Variants in TRIO observed in about 807,000 individuals in gnomAD.
TRIO encodes triple functional domain protein.
TRIO carries 58 observed loss-of-function variants against 351.9 expected under a neutral mutation model. That is an observed-to-expected ratio of 0.16 (90% CI 0.13 to 0.21). The LOEUF (loss-of-function observed/expected upper bound fraction) is 0.21, where lower values mean the gene tolerates loss of function less well. Ranked by LOEUF, TRIO falls within the 10% of genes least tolerant of loss-of-function variation. The probability of loss-of-function intolerance (pLI) is 1.00; values close to 1 mark genes in which losing one functional copy is unlikely to be tolerated. For synonymous variants in TRIO, 1,758 were observed against 1,595.7 expected, an observed-to-expected ratio of 1.10 and a Z score of -2.42; for missense variants, 3,201 against 4,027.8, an observed-to-expected ratio of 0.79 and a Z score of 5.56.
intron 1 of TRIO, among the ~76,000 whole-genome samples, chr5:14,232,311 C>G (rs1407742993): frequency 6.6e-6 from 1 of 151,954 alleles, no homozygotes; most frequent in Non-Finnish European, 1.5e-5. Flanking sequence ...CCATACCACT[C>G]CCCCCAACCC....
At chr5:14,284,656 G>T (rs1321132132) in intron 3 of TRIO, among the ~76,000 whole-genome samples, 1 of 152,136 alleles carries the variant, frequency 6.6e-6, no homozygotes, top group Non-Finnish European at 1.5e-5. Context: ...CAAGTAGAGG[G>T]GCTTTGTAGT....
intron 21 of TRIO, among the ~76,000 whole-genome samples, chr5:14,386,088 A>C (rs1406726640): frequency 6.6e-6 from 1 of 152,244 alleles, no homozygotes; most frequent in Non-Finnish European, 1.5e-5. Context: ...AAGGCCATAC[A>C]TGCTATGGGA....
chr5:14,481,405 C>G, intron 44 of TRIO, 121 bp downstream of exon 44: 1 of 1,473,066 alleles, frequency 6.8e-7, no homozygotes, highest in Non-Finnish European at 9.4e-7. Flanking sequence ...GACAGAGTCT[C>G]TCCAGTGCAT....
chr5:14,464,558 T>C (rs1754103417), intron 36 of TRIO, among the ~76,000 whole-genome samples: 2 of 152,318 alleles, frequency 1.3e-5, no homozygotes, highest in Middle Eastern at 3.4e-3. Flanking sequence ...TTCCTTACCT[T>C]TCCGTTTGAA....
intron 1 of TRIO, among the ~76,000 whole-genome samples, chr5:14,198,477 C>G (rs1439798166): frequency 1.3e-5 from 2 of 152,194 alleles, no homozygotes; most frequent in Admixed American, 6.5e-5. Flanking sequence ...TGTGTGTTAA[C>G]TTTCTCATTT....
At chr5:14,244,249 G>C (rs1794308971) in intron 1 of TRIO, among the ~76,000 whole-genome samples, 1 of 152,156 alleles carries the variant, frequency 6.6e-6, no homozygotes, top group African/African-American at 2.4e-5. Flanking sequence ...GAAGTTGCCA[G>C]TTTCGGGAAT....
At position 14,201,843 on chromosome 5, in the gene TRIO, G is replaced by T. The variant is rs578159282; in HGVS notation, c.157+57961G>T. On this transcript the variant is annotated intron_variant, in intron 1 of 56. Transcript: ENST00000344204. ...ATAGGTGGACCTGAATGGCAGTCATGTTTACTTGGCTTTGACAGTTTCAAG... is the reference window on the plus strand; with the variant it reads ...ATAGGTGGACCTGAATGGCAGTCATTTTTACTTGGCTTTGACAGTTTCAAG... Among the ~76,000 whole-genome samples the T allele has an allele frequency of 5.3e-5, 8 of 152,064 alleles. No homozygotes were observed. The East Asian group carries it at 1.2e-3, about 22-fold the overall frequency.
At chr5:14,282,628 C>T (rs961120741) in intron 3 of TRIO, among the ~76,000 whole-genome samples, 2 of 151,892 alleles carry the variant, frequency 1.3e-5, no homozygotes, top group Non-Finnish European at 2.9e-5. Flanking sequence ...AGAATAATAT[C>T]ATGAACACAC....
At chr5:14,416,367 G>T (rs1220026185) in intron 33 of TRIO, among the ~76,000 whole-genome samples, 1 of 151,518 alleles carries the variant, frequency 6.6e-6, no homozygotes, top group African/African-American at 2.4e-5. Context: ...ATTCAAATGT[G>T]AGCATTGAGG....
chr5:14,397,274 A>G, intron 29 of TRIO, 120 bp downstream of exon 29: 1 of 743,414 alleles, frequency 1.3e-6, no homozygotes, highest in Non-Finnish European at 2.2e-6. Flanking sequence ...GGTTAAGAAC[A>G]TTTCTTAAAG....
rs368872430 is a variant in TRIO at position 14,490,611 on chromosome 5, G to A, written c.7633-1956G>A. ...CCTGCCTTTCTTGCACAGGCCAGGT[G>A]GCCAGTGCCAGCTCACTGACCTTCC... is the stretch of plus-strand genomic sequence containing the variant. On this transcript the variant is annotated intron_variant, in intron 48 of 56. Transcript: ENST00000344204. Among the ~76,000 whole-genome samples the A allele has an allele frequency of 4.6e-5, 7 of 152,232 alleles. No homozygotes were observed. The East Asian group carries it at 1.3e-3, about 29-fold the overall frequency.
chr5:14,387,127 A>G (rs1043508134), intron 21 of TRIO, among the ~76,000 whole-genome samples: 4 of 152,262 alleles, frequency 2.6e-5, no homozygotes, highest in African/African-American at 9.6e-5. Context: ...CGTTCTTCGC[A>G]TACATTCCTC....
At position 14,388,665 on chromosome 5, in the gene TRIO, C is replaced by T. The variant is rs372065440; in HGVS notation, c.3934C>T (p.Arg1312Trp). The T allele has an allele frequency of 3.7e-6, 6 of 1,601,034 alleles. No homozygotes were observed. Among genetic ancestry groups the T allele is most frequent in the South Asian group, 2.2e-5 (2 of 90,588 alleles). Residue 1312 changes from arginine (R) to tryptophan (W), a missense_variant, in exon 24 of 57, where the codon CGG becomes TGG. Physicochemically the swap from Arg to Trp is moderately radical, Grantham distance 101. This residue lies in a region of TRIO where 115 missense variants were observed against 239.6 expected (regional missense o/e 0.48). Coordinates refer to ENST00000344204, the MANE Select transcript of TRIO (RefSeq NM_007118.4). ...QTEKAYVRDLRECMDTYLWEM... is the reference protein window; with the variant it reads ...QTEKAYVRDLWECMDTYLWEM... ...TGAAAAGGCTTATGTAAGAGACCTC[C>T]GGGAATGTATGGATGTAAGTAAGTT...
intron 9 of TRIO, among the ~76,000 whole-genome samples, chr5:14,317,396 AG>A (rs1216614149): frequency 6.6e-6 from 1 of 152,160 alleles, no homozygotes; most frequent in Non-Finnish European, 1.5e-5. Context: ...CCCCAAATAG[AG>A]GGAAAGACAA....
At chr5:14,284,300 G>A (rs1159171306) in intron 3 of TRIO, among the ~76,000 whole-genome samples, 1 of 152,168 alleles carries the variant, frequency 6.6e-6, no homozygotes, top group Non-Finnish European at 1.5e-5. Context: ...CTCTTAGGTG[G>A]TGGAAGGGCT....
chr5:14,487,531 C>T lies in TRIO; in HGVS notation c.6903C>T (p.Gly2301=), dbSNP rs1756030000. 2 of 1,052,046 alleles carry T rather than the reference C, an allele frequency of 1.9e-6. No individual in the cohort carries two copies. Among genetic ancestry groups the T allele is most frequent in the Non-Finnish European group, 2.3e-6 (2 of 864,068 alleles). 65.2% of individuals were successfully genotyped at this position (1,052,046 alleles called of 1,614,324 possible). ...SGGGGGGGSG[G]SGGGGGSGGG... Reference sequence around the variant, plus strand: ...GCGGCGGCGGCGGCGGCAGCGGGGGCAGCGGCGGGGGTGGGGGCAGCGGCG... The same window carrying T: ...GCGGCGGCGGCGGCGGCAGCGGGGGTAGCGGCGGGGGTGGGGGCAGCGGCG... Residue 2301 remains glycine (G), a synonymous_variant, in exon 48 of 57, where the codon GGC becomes GGT. Coordinates refer to ENST00000344204, the MANE Select transcript of TRIO (RefSeq NM_007118.4).
At position 14,396,443 on chromosome 5, in the gene TRIO, C is replaced by CTTTTTTTTTTTTTTTTTTT. The variant is rs1173121592; in HGVS notation, c.4312-574_4312-556dup. On this transcript the variant is annotated intron_variant, in intron 28 of 56. Transcript: ENST00000344204. ...ATAATAATTAAATATTTCTATTTATCTTTTTTTTTTTTTTTTTTTTTTTTT... is the reference window on the plus strand; with the variant it reads ...ATAATAATTAAATATTTCTATTTATCTTTTTTTTTTTTTTTTTTTTTTTTTTTTTTTTTTTTTTTTTTTT... Among the ~76,000 whole-genome samples, 17 of 41,554 alleles carry CTTTTTTTTTTTTTTTTTTT rather than the reference C, an allele frequency of 4.1e-4. 5 individuals carry two copies. Among genetic ancestry groups the CTTTTTTTTTTTTTTTTTTT allele is most frequent in the East Asian group, 1.3e-3 (1 of 762 alleles). The allele number at this position is 41,554 out of a possible 152,430, so 27.3% of individuals were successfully genotyped here.
At chr5:14,285,878 C>G (rs952780582) in intron 3 of TRIO, among the ~76,000 whole-genome samples, 2 of 152,076 alleles carry the variant, frequency 1.3e-5, no homozygotes, top group Admixed American at 6.5e-5. Context: ...GTCAGAGACC[C>G]CTGTGTAACA....
chr5:14,280,643 A>G (rs1735913312), intron 3 of TRIO, among the ~76,000 whole-genome samples: 1 of 152,174 alleles, frequency 6.6e-6, no homozygotes, highest in African/African-American at 2.4e-5. Flanking sequence ...GAAGGTAGGT[A>G]AGAGCTTTGT....
Sources: allele counts gnomAD v4.1 joint callset (sites outside exome capture counted in the v4.1 genomes callset), GRCh38; gene constraint gnomAD v4.1.1; regional missense constraint gnomAD v4.1.1; transcripts MANE v1.5; gene names NCBI Gene and HGNC (gene_info 2026-07-23, HGNC 2026-07-21).